The following CNTN5 variants were observed in gnomAD, a reference collection of about 807,000 sequenced individuals.
CNTN5 encodes contactin 5.
CNTN5 carries 77 observed loss-of-function variants against 129.1 expected under a neutral mutation model. The ratio of observed to expected loss-of-function variants is 0.60; its 90% CI spans 0.50 to 0.72. CNTN5 has a LOEUF of 0.72. Among genes scored for constraint, CNTN5 ranks in the 30% least tolerant of loss-of-function variants. The pLI is 0.00. For synonymous variants in CNTN5, 509 were observed against 465.6 expected (o/e 1.09, Z -1.20); for missense variants, 1,478 against 1,328.8 (o/e 1.11, Z -1.75).
intron 4 of CNTN5, 44 bp from the exon 5 acceptor site, chr11:99,844,808 G>A (rs1463862857): frequency 6.4e-7 from 1 of 1,561,262 alleles, no homozygotes; most frequent in Admixed American, 1.9e-5. Flanking sequence ...AAAATATCTT[G>A]CTAGTTTAAG....
intron 1 of CNTN5, among the ~76,000 whole-genome samples, chr11:99,178,189 A>G (rs543692414): frequency 7.9e-5 from 12 of 152,050 alleles, no homozygotes; most frequent in Non-Finnish European, 1.6e-4. Flanking sequence ...ACAAAAAACT[A>G]GCAACTCTAG....
chr11:99,134,495 T>C (rs1859118805), intron 1 of CNTN5, among the ~76,000 whole-genome samples: 1 of 152,026 alleles, frequency 6.6e-6, no homozygotes, highest in African/African-American at 2.4e-5. Flanking sequence ...CTATTTCAGA[T>C]GTCAGTGACC....
chr11:99,974,612 A>G (rs1230165995), intron 8 of CNTN5, among the ~76,000 whole-genome samples: 1 of 152,210 alleles, frequency 6.6e-6, no homozygotes, highest in Non-Finnish European at 1.5e-5. Flanking sequence ...TTATGAAACT[A>G]GGAAGACTAT....
At chr11:99,422,625 T>C (rs1243265878) in intron 2 of CNTN5, among the ~76,000 whole-genome samples, 2 of 150,046 alleles carry the variant, frequency 1.3e-5, no homozygotes, top group Non-Finnish European at 3.0e-5. Context: ...TTGTTACGTA[T>C]GTAAAACAAA....
At chr11:99,860,655 A>G (rs1948175031) in intron 6 of CNTN5, among the ~76,000 whole-genome samples, 1 of 152,086 alleles carries the variant, frequency 6.6e-6, no homozygotes, top group Non-Finnish European at 1.5e-5. Context: ...ATTCTGTTCC[A>G]TTGGTCTGAT....
chr11:99,049,737 C>T (rs1022267398), intron 1 of CNTN5: 3 of 152,132 alleles, frequency 2.0e-5, no homozygotes, highest in Non-Finnish European at 4.4e-5. Context: ...ATGTGTAACC[C>T]GTAGCTACCA....
chr11:99,685,968 T>C (rs886806907), intron 3 of CNTN5, among the ~76,000 whole-genome samples: 4 of 152,074 alleles, frequency 2.6e-5, no homozygotes, highest in African/African-American at 4.8e-5. Context: ...GCCTTTACTA[T>C]TCTTTTACAG....
chr11:99,045,379 A>G (rs920634526), intron 1 of CNTN5, among the ~76,000 whole-genome samples: 4 of 152,336 alleles, frequency 2.6e-5, no homozygotes, highest in African/African-American at 9.6e-5. Context: ...TTTAATTCTC[A>G]AAGCTAACTT....
intron 9 of CNTN5, among the ~76,000 whole-genome samples, chr11:100,017,600 C>G (rs1289698218): frequency 6.6e-6 from 1 of 151,926 alleles, no homozygotes; most frequent in African/African-American, 2.4e-5. Context: ...ACATGTACTT[C>G]CTCCATCTAT....
rs1427960831 is a variant in CNTN5, at chr11:99,915,423, A to G, written c.578-631A>G. 2.6e-5 allele frequency among the ~76,000 whole-genome samples: 4 copies of G among 152,130 alleles called. No individual in the cohort carries two copies. In the East Asian group the frequency reaches 5.8e-4, roughly 22 times the overall value. Reference sequence around the variant, plus strand: ...TATAATCCCTTTTACATAGAAGTGAATATTTCGTTAACTAATACTCCCAGA... The same window carrying G: ...TATAATCCCTTTTACATAGAAGTGAGTATTTCGTTAACTAATACTCCCAGA... On this transcript the variant is annotated intron_variant, in intron 6 of 24. Coordinates refer to ENST00000524871, the MANE Select transcript of CNTN5 (RefSeq NM_014361.4).
chr11:99,782,488 A>G (rs1945347579), intron 3 of CNTN5, among the ~76,000 whole-genome samples: 1 of 151,518 alleles, frequency 6.6e-6, no homozygotes, highest in Non-Finnish European at 1.5e-5. Context: ...TTTCAAGTTC[A>G]TATGGAACCA....
chr11:99,507,140 G>T (rs1591181869), intron 2 of CNTN5, among the ~76,000 whole-genome samples: 2 of 151,944 alleles, frequency 1.3e-5, no homozygotes, highest in South Asian at 4.1e-4. Context: ...TACTTTGGGA[G>T]GCCGAGGCAG....
At chr11:100,043,249 C>CATAT (rs1417480808) in intron 9 of CNTN5, among the ~76,000 whole-genome samples, 1 of 152,136 alleles carries the variant, frequency 6.6e-6, no homozygotes, top group Non-Finnish European at 1.5e-5. Flanking sequence ...TTGTTATGTA[C>CATAT]TATATAAATG....
chr11:100,204,091 A>G (rs975875208), intron 15 of CNTN5, among the ~76,000 whole-genome samples: 12 of 150,828 alleles, frequency 8.0e-5, no homozygotes, highest in African/African-American at 2.9e-4. Flanking sequence ...TGCTTTAAAC[A>G]TTTGCTCAGT....
intron 1 of CNTN5, among the ~76,000 whole-genome samples, chr11:99,102,859 CTACTGGTACCA>C (rs1356615366): frequency 6.6e-6 from 1 of 152,116 alleles, no homozygotes; most frequent in Non-Finnish European, 1.5e-5. Flanking sequence ...GCACCCCACT[CTACTGGTACCA>C]ATTTACTGTA....
intron 13 of CNTN5, among the ~76,000 whole-genome samples, chr11:100,170,970 A>G (rs546253567): frequency 1.9e-3 from 295 of 152,098 alleles, no homozygotes; most frequent in Non-Finnish European, 3.1e-3. Context: ...CTTTTTATAC[A>G]TGAGGGGGAT....
At chr11:99,831,821 A>G (rs1382421583) in intron 4 of CNTN5, among the ~76,000 whole-genome samples, 2 of 152,184 alleles carry the variant, frequency 1.3e-5, no homozygotes, top group Non-Finnish European at 2.9e-5. Flanking sequence ...TCAGCTCATG[A>G]GGCACCTACC....
chr11:100,041,089 G>A (rs1395123991), intron 9 of CNTN5, among the ~76,000 whole-genome samples: 2 of 151,174 alleles, frequency 1.3e-5, no homozygotes, highest in East Asian at 3.9e-4. Context: ...GCTGTAGACT[G>A]GAGCTGTTCC....
At chr11:100,095,683 C>T (rs1944984348) in intron 13 of CNTN5, among the ~76,000 whole-genome samples, 1 of 152,074 alleles carries the variant, frequency 6.6e-6, no homozygotes, top group Non-Finnish European at 1.5e-5. Flanking sequence ...GCACACATTT[C>T]CTCAATCAGT....
Sources: allele counts gnomAD v4.1 joint callset (sites outside exome capture counted in the v4.1 genomes callset), GRCh38; gene constraint gnomAD v4.1.1; transcripts MANE v1.5; gene names NCBI Gene and HGNC (gene_info 2026-07-23, HGNC 2026-07-21).